PLEKHG1: variants seen among roughly 807,000 people sequenced by gnomAD.
PLEKHG1 encodes the protein pleckstrin homology and RhoGEF domain containing G1.
In PLEKHG1, 44 loss-of-function variants were observed where a neutral mutation model predicts 100.8. The ratio of observed to expected loss-of-function variants is 0.44; its 90% CI spans 0.34 to 0.56. The LOEUF (loss-of-function observed/expected upper bound fraction) is 0.56, where lower values mean the gene tolerates loss of function less well. PLEKHG1 is among the 20% of genes least tolerant of loss of function. The pLI is 0.01. For synonymous variants in PLEKHG1, 640 were observed against 662.5 expected (o/e 0.97, Z 0.52); for missense variants, 1,545 against 1,720.9 (o/e 0.90, Z 1.81).
intron 2 of PLEKHG1, among the ~76,000 whole-genome samples, chr6:150,650,403 A>G (rs1021890695): frequency 3.9e-5 from 6 of 152,188 alleles, no homozygotes; most frequent in African/African-American, 1.4e-4. Context: ...GAGCTATTGT[A>G]TGTTCAAGTC....
intron 3 of PLEKHG1, chr6:150,662,789 C>A (rs1006534817): frequency 1.3e-5 from 2 of 152,284 alleles, no homozygotes; most frequent in African/African-American, 4.8e-5. Flanking sequence ...TGCATTCTCA[C>A]GGGGGTTCAA....
intron 6 of PLEKHG1, 58 bp downstream of exon 7, chr6:150,800,927 T>G: frequency 6.9e-7 from 1 of 1,447,548 alleles, no homozygotes; most frequent in African/African-American, 1.4e-5. Flanking sequence ...TGTGTATATA[T>G]TAAGTTTGGT....
In PLEKHG1 at chr6:150,827,522, C is replaced by T. The variant is rs868411157; in HGVS notation, c.1471-3060C>T. On this transcript the variant is annotated intron_variant, in intron 14 of 15. Coordinates refer to ENST00000358517, the Ensembl canonical transcript of PLEKHG1. ...AACTCCCGACCTCAGGTGATTCGCC[C>T]GCCTCTGCCTTCCAAAGTGCTGGGA... is the stretch of plus-strand genomic sequence containing the variant. 19 of 534,394 alleles carry T rather than the reference C, an allele frequency of 3.6e-5. No individual in the cohort carries two copies. The Middle Eastern group carries it at 1.6e-3, about 44-fold the overall frequency. 33.1% of individuals were successfully genotyped at this position (534,394 alleles called of 1,614,324 possible).
chr6:150,840,936 G>T (rs1777501158), exon 16 of PLEKHG1: 3 of 1,479,594 alleles, frequency 2.0e-6, no homozygotes, highest in Admixed American at 3.4e-5. Flanking sequence ...TTCTTATTTT[G>T]CTCATAAAAC....
Position 150,773,290 on chromosome 6 carries a change from T to C in PLEKHG1, c.512+4552T>C, listed in dbSNP as rs779312751. On this transcript the variant is annotated intron_variant, in intron 3 of 15. Coordinates refer to ENST00000358517, the Ensembl canonical transcript of PLEKHG1. Reference sequence around the variant, plus strand: ...GGCTCACGTCTGTAATCCCCGCACATTGGGAGGCCAAGGCAGGTGGATCAC... The same window carrying C: ...GGCTCACGTCTGTAATCCCCGCACACTGGGAGGCCAAGGCAGGTGGATCAC... Among the ~76,000 whole-genome samples the C allele has an allele frequency of 4.6e-5, 7 of 152,260 alleles. No individual in the cohort carries two copies. The East Asian group carries it at 7.7e-4, about 17-fold the overall frequency.
rs986584510 is a variant in PLEKHG1 at position 150,723,370 on chromosome 6, T to A, written c.-99+2170T>A. ...AGGGTTGTGGATATATGCATTCCTG[T>A]GCACACATAGCCACACACTGTGTAG... is the stretch of plus-strand genomic sequence containing the variant. On this transcript the variant is annotated intron_variant, in intron 1 of 15. Transcript: ENST00000358517. Among the ~76,000 whole-genome samples, 9 of 152,356 alleles carry A rather than the reference T, an allele frequency of 5.9e-5. No homozygotes were observed. In the East Asian group the frequency reaches 7.7e-4, roughly 13 times the overall value.
At chr6:150,640,146 G>A (rs988217936) in intron 2 of PLEKHG1, among the ~76,000 whole-genome samples, 13 of 152,200 alleles carry the variant, frequency 8.5e-5, no homozygotes, top group African/African-American at 2.7e-4. Context: ...CCAGGCCGGC[G>A]TCCCGCCAGT....
chr6:150,840,213 C>G (rs762328197), exon 16 of PLEKHG1: 5 of 1,614,224 alleles, frequency 3.1e-6, no homozygotes, highest in Non-Finnish European at 1.7e-6. Context: ...GAACTGGTGT[C>G]AGGACCATCT....
chr6:150,607,273 G>A (rs952140264), intron 1 of PLEKHG1, among the ~76,000 whole-genome samples: 1 of 152,104 alleles, frequency 6.6e-6, no homozygotes, highest in Admixed American at 6.5e-5. Flanking sequence ...AAGAGGTGAG[G>A]ACCCATGGAA....
chr6:150,829,467 A>G (rs2128686339), intron 14 of PLEKHG1, among the ~76,000 whole-genome samples: 1 of 152,118 alleles, frequency 6.6e-6, no homozygotes, highest in East Asian at 1.9e-4. Flanking sequence ...AAAATACAAA[A>G]ATTAGCCAGG....
Position 150,789,908 on chromosome 6 carries a change from C to T in PLEKHG1, c.582+3449C>T, listed in dbSNP as rs1002914641. 6.6e-4 allele frequency among the ~76,000 whole-genome samples: 101 copies of T among 152,180 alleles called. 2 individuals carry two copies. Among genetic ancestry groups the T allele is most frequent in the Admixed American group, 3.3e-4 (5 of 15,264 alleles). ...GTGCACAAAGGGGCCCAGGTGGAGTCTATAGCAGTCGAGGTGTTTGCCTGG... is the reference window on the plus strand; with the variant it reads ...GTGCACAAAGGGGCCCAGGTGGAGTTTATAGCAGTCGAGGTGTTTGCCTGG... On this transcript the variant is annotated intron_variant, in intron 4 of 15. Transcript: ENST00000358517.
intron 3 of PLEKHG1, among the ~76,000 whole-genome samples, chr6:150,695,439 C>T (rs1780505415): frequency 6.6e-6 from 1 of 152,166 alleles, no homozygotes; most frequent in African/African-American, 2.4e-5. Flanking sequence ...AAACTAGGAT[C>T]CTAGGCTGTA....
rs145870788 is a variant in PLEKHG1, at chr6:150,617,454, G to A, written c.-204+17437G>A. Among the ~76,000 whole-genome samples the A allele has an allele frequency of 4.9e-3, 744 of 152,282 alleles. 4 individuals are homozygous for A. Among genetic ancestry groups the A allele is most frequent in the African/African-American group, 0.016 (668 of 41,542 alleles). On this transcript the variant is annotated intron_variant, in intron 1 of 3. Coordinates refer to the PLEKHG1 transcript ENST00000367326. The stretch of plus-strand genomic sequence containing the variant: ...GAGAAGTAATTAACCAGTTAATTAC[G>A]AGTGTGGCAGAATCCACTTGTACTT...
intron 3 of PLEKHG1, among the ~76,000 whole-genome samples, chr6:150,679,287 G>T (rs1385884913): frequency 1.3e-5 from 2 of 152,230 alleles, no homozygotes; most frequent in East Asian, 3.9e-4. Flanking sequence ...TAAATATTAA[G>T]CTCCAAAGAG....
chr6:150,780,363 G>A (rs895895070), intron 3 of PLEKHG1, among the ~76,000 whole-genome samples: 22 of 151,918 alleles, frequency 1.4e-4, no homozygotes, highest in Admixed American at 5.9e-4. Context: ...ATCTGCCCAC[G>A]TCGGCCTCCC....
At chr6:150,753,645 A>G (rs1783657065) in intron 2 of PLEKHG1, among the ~76,000 whole-genome samples, 1 of 152,254 alleles carries the variant, frequency 6.6e-6, no homozygotes, top group Non-Finnish European at 1.5e-5. Flanking sequence ...GCAAATGCAC[A>G]GAGAGAAAAG....
chr6:150,772,871 ATTTC>A (rs1160924125), intron 3 of PLEKHG1, among the ~76,000 whole-genome samples: 2 of 151,998 alleles, frequency 1.3e-5, no homozygotes, highest in Admixed American at 6.6e-5. Context: ...CTATTAGGAT[ATTTC>A]TTTTTCTTAT....
intron 1 of PLEKHG1, among the ~76,000 whole-genome samples, chr6:150,604,717 A>C (rs1776515170): frequency 6.6e-6 from 1 of 152,224 alleles, no homozygotes; most frequent in Non-Finnish European, 1.5e-5. Flanking sequence ...TGGGGCTAGA[A>C]GTCTCTGTTA....
chr6:150,752,006 T>C (rs1678006631), intron 2 of PLEKHG1, among the ~76,000 whole-genome samples: 1 of 152,070 alleles, frequency 6.6e-6, no homozygotes, highest in Non-Finnish European at 1.5e-5. Flanking sequence ...CCAGCCGACA[T>C]GGTGAAACCC....
Sources: allele counts gnomAD v4.1 joint callset (sites outside exome capture counted in the v4.1 genomes callset), GRCh38; gene constraint gnomAD v4.1.1; transcripts MANE v1.5; gene names NCBI Gene and HGNC (gene_info 2026-07-23, HGNC 2026-07-21).